Variants in CNOT6 observed in about 807,000 individuals in gnomAD.
The protein encoded by CNOT6 is carbon catabolite repression 4 protein.
Under a neutral mutation model 61.2 loss-of-function variants are expected in CNOT6, and 12 were observed. The observed-to-expected ratio is 0.20, with a 90% CI of 0.13 to 0.32. The LOEUF (loss-of-function observed/expected upper bound fraction) is 0.32. Among genes scored for constraint, CNOT6 ranks in the 10% least tolerant of loss-of-function variants. The pLI is 1.00. For missense variants in CNOT6, 405 were observed against 663.9 expected, an observed-to-expected ratio of 0.61 and a Z score of 4.28; for synonymous variants, 225 against 240.6, an observed-to-expected ratio of 0.94 and a Z score of 0.60.
intron 4 of CNOT6, among the ~76,000 whole-genome samples, chr5:180,563,231 T>G (rs1214952863): frequency 1.3e-5 from 2 of 151,494 alleles, no homozygotes; most frequent in African/African-American, 4.9e-5. Context: ...TTTTTTTTTT[T>G]TTGAGACAGA....
At chr5:180,526,348 A>G (rs1471044881) in intron 1 of CNOT6, among the ~76,000 whole-genome samples, 1 of 152,210 alleles carries the variant, frequency 6.6e-6, no homozygotes, top group Non-Finnish European at 1.5e-5. Context: ...GATGAGAGGA[A>G]GGAAGGGATT....
chr5:180,514,181 T>G lies in CNOT6; in HGVS notation c.-2-15094T>G, dbSNP rs1757529658. Among the ~76,000 whole-genome samples, 5 of 148,810 alleles carry G rather than the reference T, an allele frequency of 3.4e-5. No homozygotes were observed. The South Asian group carries it at 1.2e-3, about 35-fold the overall frequency. Reference sequence around the variant, plus strand: ...CAGCTTCACCGTAATCCCAGCACTTTGGGAGGCCGAGGCGGGTGGATCATG... The same window carrying G: ...CAGCTTCACCGTAATCCCAGCACTTGGGGAGGCCGAGGCGGGTGGATCATG... On this transcript the variant is annotated intron_variant, in intron 1 of 11. Coordinates refer to ENST00000261951, the MANE Select transcript of CNOT6 (RefSeq NM_001370472.1).
Position 180,574,288 on chromosome 5 carries a change from T to A in CNOT6, c.*88T>A. 9.1e-7 allele frequency: 1 copy of A among 1,093,372 alleles called. No homozygotes were observed. Among genetic ancestry groups the A allele is most frequent in the South Asian group, 1.3e-5 (1 of 75,214 alleles). The allele number at this position is 1,093,372 out of a possible 1,614,324, so 67.7% of individuals were successfully genotyped here. ...GAGTGAGGTATGGCCACTGAGGATT[T>A]TTGCTTGCTTAAGAATGATTTGGAC... On this transcript the variant is annotated 3_prime_UTR_variant, in exon 12 of 12. Coordinates refer to ENST00000261951, the MANE Select transcript of CNOT6 (RefSeq NM_001370472.1).
intron 1 of CNOT6, among the ~76,000 whole-genome samples, chr5:180,527,037 G>A (rs1175941919): frequency 6.6e-6 from 1 of 152,044 alleles, no homozygotes; most frequent in East Asian, 1.9e-4. Flanking sequence ...ATACCACCAT[G>A]CTTGGCTAAT....
rs775657696 is a variant in CNOT6 at position 180,553,422 on chromosome 5, A to G, written c.336A>G (p.Leu112=). ...LHLNNNLLRV[L]PFELGKLFQL... ...TAAATAACAACCTGTTACGAGTTCT[A>G]CCTTTTGAGCTGGGAAAACTGTTTC... Residue 112 remains leucine (L), a synonymous_variant, in exon 4 of 12, where the codon CTA becomes CTG. Transcript: ENST00000261951. 3.7e-6 allele frequency: 6 copies of G among 1,613,844 alleles called. 1 individual carries two copies. Among genetic ancestry groups the G allele is most frequent in the East Asian group, 4.5e-5 (2 of 44,842 alleles).
At chr5:180,526,769 A>G (rs1758119003) in intron 1 of CNOT6, among the ~76,000 whole-genome samples, 1 of 152,228 alleles carries the variant, frequency 6.6e-6, no homozygotes, top group Non-Finnish European at 1.5e-5. Context: ...AAAGCGAGAC[A>G]AGAACAAGGG....
intron 2 of CNOT6, among the ~76,000 whole-genome samples, chr5:180,539,763 G>A (rs1454471699): frequency 6.6e-6 from 1 of 151,332 alleles, no homozygotes; most frequent in Non-Finnish European, 1.5e-5. Context: ...CTAATTTTTT[G>A]TATTTTTAGT....
At chr5:180,571,083 A>G (rs915595840) in intron 10 of CNOT6, 147 bp from the exon 11 acceptor site, 2 of 625,242 alleles carry the variant, frequency 3.2e-6, no homozygotes, top group Non-Finnish European at 5.6e-6. Flanking sequence ...CTGTGTAAAA[A>G]TAGATTTGGG....
At chr5:180,528,472 G>A (rs555374248) in intron 1 of CNOT6, among the ~76,000 whole-genome samples, 140 of 152,028 alleles carry the variant, frequency 9.2e-4, no homozygotes, top group Non-Finnish European at 1.9e-3. Flanking sequence ...CACCATGCCC[G>A]GCTAATTTTT....
intron 1 of CNOT6, among the ~76,000 whole-genome samples, chr5:180,501,251 T>A (rs1377154928): frequency 6.6e-6 from 1 of 152,074 alleles, no homozygotes; most frequent in Non-Finnish European, 1.5e-5. Flanking sequence ...TACATCAGCA[T>A]AGGGGATAGA....
At chr5:180,542,238 C>T (rs963176212) in intron 2 of CNOT6, among the ~76,000 whole-genome samples, 1 of 150,580 alleles carries the variant, frequency 6.6e-6, no homozygotes, top group Non-Finnish European at 1.5e-5. Flanking sequence ...CTGAGCTCGT[C>T]GGCTCTGGGT....
At chr5:180,549,542 T>G (rs905615756) in intron 2 of CNOT6, among the ~76,000 whole-genome samples, 2 of 151,698 alleles carry the variant, frequency 1.3e-5, no homozygotes, top group Non-Finnish European at 2.9e-5. Context: ...CCCAGCTACT[T>G]GGAGGCTGAG....
intron 10 of CNOT6, among the ~76,000 whole-genome samples, chr5:180,569,542 G>T (rs1362275482): frequency 6.6e-6 from 1 of 152,154 alleles, no homozygotes; most frequent in African/African-American, 2.4e-5. Flanking sequence ...GGAGAAGGAT[G>T]TTAATCATCT....
chr5:180,532,658 G>A (rs1252555018), intron 2 of CNOT6, among the ~76,000 whole-genome samples: 4 of 152,110 alleles, frequency 2.6e-5, no homozygotes, highest in Non-Finnish European at 5.9e-5. Flanking sequence ...CCTGGAGGTA[G>A]CATCAGATCC....
chr5:180,497,978 G>A (rs1157644250), intron 1 of CNOT6, among the ~76,000 whole-genome samples: 2 of 151,524 alleles, frequency 1.3e-5, no homozygotes, highest in East Asian at 1.9e-4. Flanking sequence ...GGGAGGCAGA[G>A]CCTGCAGTGA....
At chr5:180,501,134 G>A (rs1398757011) in intron 1 of CNOT6, among the ~76,000 whole-genome samples, 1 of 152,078 alleles carries the variant, frequency 6.6e-6, no homozygotes, top group African/African-American at 2.4e-5. Context: ...GGTGGATATG[G>A]GTGAGCAAGT....
At chr5:180,500,582 C>T (rs1375591628) in intron 1 of CNOT6, among the ~76,000 whole-genome samples, 1 of 152,128 alleles carries the variant, frequency 6.6e-6, no homozygotes, top group Non-Finnish European at 1.5e-5. Context: ...CTACAGGCAC[C>T]TGCCATCATG....
chr5:180,537,484 TG>T (rs1431173518), intron 2 of CNOT6, among the ~76,000 whole-genome samples: 1 of 152,200 alleles, frequency 6.6e-6, no homozygotes, highest in African/African-American at 2.4e-5. Context: ...GTTTTCCTAT[TG>T]TTCAGTTTTA....
At chr5:180,543,935 C>CA (rs899291710) in intron 2 of CNOT6, among the ~76,000 whole-genome samples, 3 of 152,120 alleles carry the variant, frequency 2.0e-5, no homozygotes, top group African/African-American at 7.2e-5. Flanking sequence ...TTCAGCCTCT[C>CA]AAGTAGCTGG....
Sources: gnomAD v4.1 joint callset for allele counts (sites outside exome capture counted in the v4.1 genomes callset) on GRCh38, gnomAD v4.1.1 for gene constraint, MANE v1.5 for transcripts, NCBI Gene and HGNC (gene_info 2026-07-23, HGNC 2026-07-21) for gene names.